Variants in PIBF1 observed in about 807,000 individuals in gnomAD.
PIBF1 encodes the protein progesterone-induced-blocking factor 1.
In PIBF1, 90 loss-of-function variants were observed where a neutral mutation model predicts 112.5. That is an observed-to-expected ratio of 0.80 (90% CI 0.67 to 0.95). PIBF1 has a LOEUF of 0.95. PIBF1 is among the 40% of genes least tolerant of loss of function. The probability of loss-of-function intolerance (pLI) is 0.00; values close to 1 mark genes in which losing one functional copy is unlikely to be tolerated. For missense variants in PIBF1, 915 were observed against 852.3 expected, an observed-to-expected ratio of 1.07 and a Z score of -0.92; for synonymous variants, 301 against 288.6, an observed-to-expected ratio of 1.04 and a Z score of -0.44.
intron 16 of PIBF1, among the ~76,000 whole-genome samples, chr13:72,986,868 T>C (rs1263784753): frequency 2.0e-5 from 3 of 151,938 alleles, no homozygotes; most frequent in Admixed American, 2.0e-4. Flanking sequence ...TTTTTTTGTA[T>C]TTTTAGTAGA....
chr13:72,886,180 T>C (rs1566405300), intron 10 of PIBF1, among the ~76,000 whole-genome samples: 1 of 152,090 alleles, frequency 6.6e-6, no homozygotes, highest in Non-Finnish European at 1.5e-5. Flanking sequence ...CATAAAAGCA[T>C]CCCCCTAAAA....
intron 11 of PIBF1, among the ~76,000 whole-genome samples, chr13:72,898,253 G>T (rs148751743): frequency 6.6e-6 from 1 of 152,110 alleles, no homozygotes; most frequent in Non-Finnish European, 1.5e-5. Flanking sequence ...TTTAAAAATT[G>T]TTTGAACTGA....
At chr13:72,817,256 A>T (rs1430538943) in intron 5 of PIBF1, among the ~76,000 whole-genome samples, 1 of 152,156 alleles carries the variant, frequency 6.6e-6, no homozygotes. Context: ...AGTTTACATC[A>T]TGGGAGAGAC....
At chr13:72,842,172 A>C (rs2037642624) in intron 9 of PIBF1, among the ~76,000 whole-genome samples, 1 of 152,218 alleles carries the variant, frequency 6.6e-6, no homozygotes, top group South Asian at 2.1e-4. Context: ...TTATGAGATA[A>C]TAAGGTAAAG....
intron 11 of PIBF1, among the ~76,000 whole-genome samples, chr13:72,899,993 A>G (rs184920465): frequency 2.0e-5 from 3 of 152,080 alleles, no homozygotes; most frequent in Non-Finnish European, 2.9e-5. Flanking sequence ...CAAGAACTCA[A>G]CCCCTTTTAC....
chr13:72,926,463 C>T (rs1404324361), intron 13 of PIBF1, among the ~76,000 whole-genome samples: 2 of 152,196 alleles, frequency 1.3e-5, no homozygotes, highest in Non-Finnish European at 2.9e-5. Context: ...TTAAAGACCA[C>T]TGGTCTAGAT....
At chr13:72,808,883 T>C (rs2035868242) in intron 5 of PIBF1, among the ~76,000 whole-genome samples, 1 of 152,268 alleles carries the variant, frequency 6.6e-6, no homozygotes, top group South Asian at 2.1e-4. Flanking sequence ...CTGAAAATGA[T>C]AGCAATAATG....
In PIBF1 at chr13:72,984,259, C is replaced by T. The variant is rs569214548; in HGVS notation, c.2049+10584C>T. On this transcript the variant is annotated intron_variant, in intron 16 of 17. Coordinates refer to ENST00000326291, the MANE Select transcript of PIBF1 (RefSeq NM_006346.4). The stretch of plus-strand genomic sequence containing the variant: ...ATTTTTATAATCTTTTTCTATCAAA[C>T]TCTAAAATGCTTTCAGATGAATTAT... Among the ~76,000 whole-genome samples, 108 of 152,186 alleles carry T rather than the reference C, an allele frequency of 7.1e-4. 1 individual carries two copies. Among genetic ancestry groups the T allele is most frequent in the African/African-American group, 2.6e-3 (108 of 41,534 alleles).
chr13:72,942,343 T>C (rs776985046), intron 14 of PIBF1, among the ~76,000 whole-genome samples: 2 of 152,088 alleles, frequency 1.3e-5, no homozygotes, highest in African/African-American at 2.4e-5. Context: ...TAAACTGTGA[T>C]ACAATGCTTT....
At chr13:72,999,087 G>C (rs1474942084) in intron 17 of PIBF1, 92 bp downstream of exon 17, 13 of 774,806 alleles carry the variant, frequency 1.7e-5, no homozygotes, top group Non-Finnish European at 4.1e-6. Context: ...TTTATGAAAT[G>C]AGTAGATTCC....
Position 72,827,911 on chromosome 13 carries a change from C to A in PIBF1, c.1094C>A (p.Ser365Tyr), listed in dbSNP as rs746360613. 2 of 1,554,018 alleles carry A rather than the reference C, an allele frequency of 1.3e-6. No individual in the cohort carries two copies. Among genetic ancestry groups the A allele is most frequent in the Non-Finnish European group, 1.7e-6 (2 of 1,147,216 alleles). The change falls in exon 8 of 18, where the codon TCC (serine) becomes TAC (tyrosine). Residue 365 changes from serine (S) to tyrosine (Y), a missense_variant. Ser to Tyr is a moderately radical substitution (Grantham distance 144). Transcript: ENST00000326291. ...GAGATGTATGAAAAATATGTAGCAT[C>A]CAGGCAAGATTTGCATTATTTCCCA... ...REEMYEKYVA[S>Y]RDHYKTEYEN... is the part of the protein sequence containing the mutation.
intron 2 of PIBF1, among the ~76,000 whole-genome samples, chr13:72,787,494 A>C (rs1438041156): frequency 1.3e-5 from 2 of 152,172 alleles, no homozygotes; most frequent in Non-Finnish European, 2.9e-5. Flanking sequence ...AGAAGAAAGC[A>C]AAGAAGGTTC....
At chr13:72,963,897 T>C (rs1464086519) in intron 14 of PIBF1, among the ~76,000 whole-genome samples, 1 of 152,104 alleles carries the variant, frequency 6.6e-6, no homozygotes, top group African/African-American at 2.4e-5. Context: ...TGTAAAATGG[T>C]ATCACCACTG....
chr13:73,010,631 G>T (rs1199974025), intron 17 of PIBF1, among the ~76,000 whole-genome samples: 1 of 151,446 alleles, frequency 6.6e-6, no homozygotes, highest in Non-Finnish European at 1.5e-5. Flanking sequence ...AAGAACAATG[G>T]CATACATGTT....
At chr13:72,829,199 T>C (rs2036979511) in intron 8 of PIBF1, among the ~76,000 whole-genome samples, 1 of 152,238 alleles carries the variant, frequency 6.6e-6, no homozygotes, top group Non-Finnish European at 1.5e-5. Flanking sequence ...GATGGATAGA[T>C]TGCAAAAATT....
At chr13:72,800,859 AT>A (rs1175217411) in intron 5 of PIBF1, among the ~76,000 whole-genome samples, 2 of 152,232 alleles carry the variant, frequency 1.3e-5, no homozygotes, top group Non-Finnish European at 2.9e-5. Context: ...TGAGTGCTAT[AT>A]GGAGAGCAGG....
intron 6 of PIBF1, among the ~76,000 whole-genome samples, chr13:72,822,956 A>G (rs1480764830): frequency 6.6e-6 from 1 of 152,226 alleles, no homozygotes; most frequent in African/African-American, 2.4e-5. Flanking sequence ...AGTAGAGGGC[A>G]TAGTGGCACA....
chr13:72,797,871 G>A (rs1280922934), intron 4 of PIBF1, 36 bp from the exon 5 acceptor site: 1 of 1,516,712 alleles, frequency 6.6e-7, no homozygotes, highest in Non-Finnish European at 8.9e-7. Flanking sequence ...TTGTAATTTG[G>A]ATTTAAGACT....
chr13:72,785,515 A>G (rs1436000952), intron 2 of PIBF1, among the ~76,000 whole-genome samples: 2 of 152,254 alleles, frequency 1.3e-5, no homozygotes, highest in African/African-American at 4.8e-5. Flanking sequence ...AGAGCCAGAT[A>G]GGATTCAAAC....
Sources: allele counts gnomAD v4.1 joint callset (sites outside exome capture counted in the v4.1 genomes callset), GRCh38; gene constraint gnomAD v4.1.1; transcripts MANE v1.5; gene names NCBI Gene and HGNC (gene_info 2026-07-23, HGNC 2026-07-21).